Variants in PCDHA1 observed in about 807,000 individuals in gnomAD.
PCDHA1 encodes the protein protocadherin alpha 1, also known as protocadherin alpha-1.
A neutral mutation model predicts 61.3 loss-of-function variants in PCDHA1; 42 were observed. The ratio of observed to expected loss-of-function variants is 0.69; its 90% CI spans 0.54 to 0.89. PCDHA1 has a LOEUF of 0.89. Among genes scored for constraint, PCDHA1 ranks in the 40% least tolerant of loss-of-function variants. PCDHA1 has a pLI of 0.00. For missense variants in PCDHA1, 1,256 were observed against 1,235.3 expected, an observed-to-expected ratio of 1.02 and a Z score of -0.25; for synonymous variants, 610 against 553.8, an observed-to-expected ratio of 1.10 and a Z score of -1.43.
intron 1 of PCDHA1, chr5:140,966,342 T>G: frequency 2.5e-6 from 1 of 395,470 alleles, no homozygotes; most frequent in Non-Finnish European, 4.4e-6. Flanking sequence ...AGGTCCAGGG[T>G]GAAGGAGATG....
intron 1 of PCDHA1, chr5:140,797,622 C>G (rs943405736): frequency 6.2e-6 from 3 of 486,380 alleles, no homozygotes; most frequent in Non-Finnish European, 1.1e-5. Flanking sequence ...AACACCTCAG[C>G]AAAATTTGTA....
chr5:140,909,856 C>T (rs575107041), intron 1 of PCDHA1, among the ~76,000 whole-genome samples: 2 of 152,286 alleles, frequency 1.3e-5, no homozygotes, highest in South Asian at 2.1e-4. Context: ...TTTTCGGTCC[C>T]CTGGAGTCAA....
intron 3 of PCDHA1, among the ~76,000 whole-genome samples, chr5:141,001,711 A>G (rs1167965864): frequency 1.3e-5 from 2 of 152,222 alleles, no homozygotes; most frequent in South Asian, 2.1e-4. Context: ...GGGGGCGGGG[A>G]AGGAGCTTGA....
At chr5:140,918,313 T>C (rs1406314903) in intron 1 of PCDHA1, among the ~76,000 whole-genome samples, 3 of 152,146 alleles carry the variant, frequency 2.0e-5, no homozygotes, top group African/African-American at 7.2e-5. Context: ...GTTTTCTAGG[T>C]ATAAAATTAT....
intron 1 of PCDHA1, among the ~76,000 whole-genome samples, chr5:140,937,820 G>T (rs554138611): frequency 2.6e-5 from 4 of 151,792 alleles, no homozygotes; most frequent in African/African-American, 9.7e-5. Flanking sequence ...GCTGAGGCAG[G>T]AGAATGGCAT....
At chr5:140,800,569 G>A (rs782336305) in intron 1 of PCDHA1, among the ~76,000 whole-genome samples, 1 of 152,134 alleles carries the variant, frequency 6.6e-6, no homozygotes, top group South Asian at 2.1e-4. Flanking sequence ...TGTAACTTGG[G>A]TGGTAAAGAG....
chr5:140,967,234 G>A (rs781912172), intron 1 of PCDHA1: 3 of 1,613,746 alleles, frequency 1.9e-6, no homozygotes, highest in South Asian at 1.1e-5. Context: ...ACCAGCTTCA[G>A]GTAAGCGAAT....
At chr5:140,796,047 G>A in intron 1 of PCDHA1, 1 of 1,614,194 alleles carries the variant, frequency 6.2e-7, no homozygotes, top group Non-Finnish European at 8.5e-7. Context: ...CCATCTCAGA[G>A]AACGCTTCCC....
chr5:140,788,530 G>A lies in PCDHA1; in HGVS notation c.2240G>A (p.Ser747Asn). The A allele has an allele frequency of 6.2e-7, 1 of 1,614,132 alleles. No homozygotes were observed. The highest frequency in any genetic ancestry group is 2.2e-5 in the East Asian group (1 of 44,872). The part of the protein sequence containing the change: ...PTLVCSSALG[S>N]WSNSQQRRQR... ...CTGGTGTGCTCCAGCGCGTTGGGGA[G>A]CTGGTCGAACTCACAGCAGAGGCGG... Residue 747 changes from serine to asparagine, a missense_variant, in exon 1 of 4, where the codon AGC becomes AAC. By Grantham distance (46) the Ser-to-Asn change is conservative. Transcript: ENST00000504120.
intron 1 of PCDHA1, chr5:140,809,348 C>T: frequency 6.2e-7 from 1 of 1,614,028 alleles, no homozygotes; most frequent in Non-Finnish European, 8.5e-7. Flanking sequence ...GTACACCGCG[C>T]TGCGGTGCTC....
intron 1 of PCDHA1, chr5:140,821,836 G>A (rs2150111066): frequency 6.2e-7 from 1 of 1,614,106 alleles, no homozygotes; most frequent in Non-Finnish European, 8.5e-7. Flanking sequence ...GCTTCTCCTT[G>A]CCTACTGGAA....
intron 1 of PCDHA1, chr5:140,834,252 A>G (rs1772864015): frequency 7.6e-6 from 7 of 916,288 alleles, no homozygotes; most frequent in Non-Finnish European, 1.2e-5. Context: ...CACTGGAAAG[A>G]CGCTCCACTC....
intron 1 of PCDHA1, among the ~76,000 whole-genome samples, chr5:140,973,323 A>G (rs1331752602): frequency 1.3e-5 from 2 of 152,160 alleles, no homozygotes; most frequent in African/African-American, 4.8e-5. Flanking sequence ...AACAGAGTTT[A>G]CACTCGTTGT....
chr5:140,790,425 T>C (rs1350262647), intron 1 of PCDHA1, among the ~76,000 whole-genome samples: 1 of 152,252 alleles, frequency 6.6e-6, no homozygotes, highest in Non-Finnish European at 1.5e-5. Flanking sequence ...ATTAATATAA[T>C]TTGCTAGTTA....
intron 3 of PCDHA1, among the ~76,000 whole-genome samples, chr5:140,997,899 G>T (rs2097789789): frequency 6.6e-6 from 1 of 152,126 alleles, no homozygotes; most frequent in Non-Finnish European, 1.5e-5. Context: ...TAAATTTCAA[G>T]AAGTAGAATT....
At position 140,840,142 on chromosome 5, in the gene PCDHA1, A is replaced by G. The variant is rs2150303821; in HGVS notation, c.2394+51458A>G. ...TGTACTAATAAGGACAGAAATTATC[A>G]CACGTGAAAGGAGAGATGGGATGTA... On this transcript the variant is annotated intron_variant, in intron 1 of 3. Coordinates refer to ENST00000504120, the MANE Select transcript of PCDHA1 (RefSeq NM_018900.4). Among the ~76,000 whole-genome samples, 125 of 152,144 alleles carry G rather than the reference A, an allele frequency of 8.2e-4. 4 individuals carry two copies. The highest frequency in any genetic ancestry group is 2.9e-3 in the African/African-American group (122 of 41,494).
chr5:140,830,441 G>C (rs1251933211), intron 1 of PCDHA1: 9 of 1,608,106 alleles, frequency 5.6e-6, no homozygotes, highest in Non-Finnish European at 7.7e-6. Context: ...TATTATGATG[G>C]GTAAGGCGGA....
In PCDHA1 at chr5:140,875,833, G is replaced by A. The variant is rs782436615; in HGVS notation, c.2394+87149G>A. 1 of 1,614,220 alleles carries A rather than the reference G, an allele frequency of 6.2e-7. No homozygotes were observed. Among genetic ancestry groups the A allele is most frequent in the Non-Finnish European group, 8.5e-7 (1 of 1,180,044 alleles). On this transcript the variant is annotated intron_variant, in intron 1 of 3. Coordinates refer to ENST00000504120, the MANE Select transcript of PCDHA1 (RefSeq NM_018900.4). ...GCCGCTGCAGGTTTTCCATGTGGAC[G>A]TGGAGGTGAAGGACATTAACGACAA...
chr5:141,007,315 C>T (rs1207897662), intron 3 of PCDHA1, among the ~76,000 whole-genome samples: 1 of 148,308 alleles, frequency 6.7e-6, no homozygotes, highest in Non-Finnish European at 1.5e-5. Flanking sequence ...TTTTGGGAGG[C>T]TAAAGTGGAC....
Sources: gnomAD v4.1 joint callset for allele counts (sites outside exome capture counted in the v4.1 genomes callset) on GRCh38, gnomAD v4.1.1 for gene constraint, MANE v1.5 for transcripts, NCBI Gene and HGNC (gene_info 2026-07-23, HGNC 2026-07-21) for gene names.